INPP4B: variants seen among roughly 807,000 people sequenced by gnomAD.
INPP4B encodes inositol polyphosphate 4-phosphatase type II.
A neutral mutation model predicts 122.5 loss-of-function variants in INPP4B; 55 were observed. That is an observed-to-expected ratio of 0.45 (90% CI 0.36 to 0.56). The LOEUF is 0.56. Ranked by LOEUF, INPP4B falls within the 20% of genes least tolerant of loss-of-function variation. INPP4B has a pLI of 0.00. For synonymous variants in INPP4B, 403 were observed against 388.7 expected (o/e 1.04, Z -0.43); for missense variants, 1,000 against 1,097.7 (o/e 0.91, Z 1.26).
At chr4:142,701,575 A>G (rs938177362) in intron 2 of INPP4B, among the ~76,000 whole-genome samples, 2 of 151,812 alleles carry the variant, frequency 1.3e-5, no homozygotes, top group Non-Finnish European at 2.9e-5. Flanking sequence ...GCTTGTTTCT[A>G]TTTCACCAAA....
intron 11 of INPP4B, among the ~76,000 whole-genome samples, chr4:142,259,122 C>T (rs952933478): frequency 6.0e-4 from 88 of 146,052 alleles, no homozygotes; most frequent in Non-Finnish European, 1.1e-3. Context: ...CCAAACACCG[C>T]ATATTCTCAC....
intron 7 of INPP4B, among the ~76,000 whole-genome samples, chr4:142,376,238 T>A (rs867982226): frequency 3.3e-5 from 5 of 151,984 alleles, no homozygotes; most frequent in Non-Finnish European, 7.4e-5. Context: ...CATGAAGATA[T>A]ATAGTTCTTC....
chr4:142,718,664 CTTGATGTTCATA>C (rs1764124719), intron 2 of INPP4B, among the ~76,000 whole-genome samples: 1 of 152,158 alleles, frequency 6.6e-6, no homozygotes, highest in Non-Finnish European at 1.5e-5. Flanking sequence ...ACAGCATTAG[CTTGATGTTCATA>C]TTGATGTTCA....
At chr4:142,542,271 T>G (rs1448640497) in intron 2 of INPP4B, among the ~76,000 whole-genome samples, 2 of 152,190 alleles carry the variant, frequency 1.3e-5, no homozygotes. Context: ...TTTTATTCGT[T>G]AATCTGATCC....
chr4:142,842,310 G>T (rs1783589302), intron 1 of INPP4B, among the ~76,000 whole-genome samples: 1 of 151,094 alleles, frequency 6.6e-6, no homozygotes, highest in Non-Finnish European at 1.5e-5. Context: ...GACATATACT[G>T]TATTGAAACC....
intron 1 of INPP4B, among the ~76,000 whole-genome samples, chr4:142,797,680 T>C (rs1461542346): frequency 6.6e-6 from 1 of 151,226 alleles, no homozygotes; most frequent in African/African-American, 2.4e-5. Context: ...AAAAGATTGC[T>C]AACAAAAAAA....
rs1346159025 is a variant in INPP4B, at chr4:142,464,921, C to A, written c.-190-2195G>T. ...TGTTGTACAGAGTAGATGGCAGTAT[C>A]CTGTCCTTATTAACAGAACAGACTG... On this transcript the variant is annotated intron_variant, in intron 2 of 25. Transcript: ENST00000262992. Among the ~76,000 whole-genome samples the A allele has an allele frequency of 2.0e-5, 3 of 152,272 alleles. No individual in the cohort carries two copies. The East Asian group carries it at 5.8e-4, about 29-fold the overall frequency.
At chr4:142,707,515 T>G (rs1405473097) in intron 2 of INPP4B, among the ~76,000 whole-genome samples, 1 of 152,182 alleles carries the variant, frequency 6.6e-6, no homozygotes, top group Non-Finnish European at 1.5e-5. Flanking sequence ...GTTCTCATGA[T>G]AGTGAGCGAG....
chr4:142,737,842 A>G (rs1174639813), intron 1 of INPP4B, among the ~76,000 whole-genome samples: 4 of 152,262 alleles, frequency 2.6e-5, no homozygotes, highest in African/African-American at 7.2e-5. Flanking sequence ...TATGCAGCCA[A>G]AAAACACATG....
intron 2 of INPP4B, among the ~76,000 whole-genome samples, chr4:142,577,833 A>G (rs573794760): frequency 9.0e-4 from 137 of 152,106 alleles, no homozygotes; most frequent in Non-Finnish European, 1.6e-3. Context: ...CAGCTGCTAG[A>G]GGTCATCTGC....
intron 2 of INPP4B, among the ~76,000 whole-genome samples, chr4:142,465,146 A>G (rs1817520037): frequency 6.6e-6 from 1 of 152,220 alleles, no homozygotes; most frequent in African/African-American, 2.4e-5. Context: ...GAATAGATAC[A>G]TCAAATATAA....
chr4:142,388,172 C>T (rs955807378), intron 7 of INPP4B, among the ~76,000 whole-genome samples: 1 of 152,144 alleles, frequency 6.6e-6, no homozygotes, highest in South Asian at 2.1e-4. Flanking sequence ...AAGTTATAAC[C>T]TTAGTTGAGG....
chr4:142,668,688 CT>C (rs1560941916), intron 2 of INPP4B, among the ~76,000 whole-genome samples: 2 of 152,140 alleles, frequency 1.3e-5, no homozygotes, highest in African/African-American at 4.8e-5. Flanking sequence ...ATTAGTAGCA[CT>C]TTTGTACACT....
At chr4:142,391,646 C>T (rs1797725735) in intron 7 of INPP4B, among the ~76,000 whole-genome samples, 1 of 152,114 alleles carries the variant, frequency 6.6e-6, no homozygotes, top group South Asian at 2.1e-4. Context: ...GGAGGATGGC[C>T]ACCTTATCTT....
Sources: gnomAD v4.1 joint callset for allele counts (sites outside exome capture counted in the v4.1 genomes callset) on GRCh38, gnomAD v4.1.1 for gene constraint, MANE v1.5 for transcripts, NCBI Gene and HGNC (gene_info 2026-07-23, HGNC 2026-07-21) for gene names.